Variants in SIK3 observed in about 807,000 individuals in gnomAD.
The protein encoded by SIK3 is SIK family kinase 3, also known as serine/threonine-protein kinase SIK3.
A neutral mutation model predicts 144.2 loss-of-function variants in SIK3; 28 were observed. The observed-to-expected ratio is 0.19, with a 90% CI of 0.14 to 0.27. The LOEUF (loss-of-function observed/expected upper bound fraction) is 0.27. SIK3 is among the 10% of genes least tolerant of loss of function. The pLI, the probability that SIK3 is intolerant of heterozygous loss-of-function variation, is 1.00. For synonymous variants in SIK3, 686 were observed against 676.3 expected (o/e 1.01, Z -0.22); for missense variants, 1,319 against 1,776.0 (o/e 0.74, Z 4.62).
At chr11:116,993,479 C>CATA (rs1489491801) in intron 1 of SIK3, among the ~76,000 whole-genome samples, 1 of 152,168 alleles carries the variant, frequency 6.6e-6, no homozygotes, top group Non-Finnish European at 1.5e-5. Context: ...GGATGAAACC[C>CATA]TGTTATAACT....
chr11:117,073,021 T>C (rs1954348365), intron 1 of SIK3, among the ~76,000 whole-genome samples: 1 of 152,162 alleles, frequency 6.6e-6, no homozygotes, highest in South Asian at 2.1e-4. Flanking sequence ...CTCAGTATAC[T>C]TGGATCCTCC....
At chr11:116,891,759 G>C (rs942198764) in intron 6 of SIK3, among the ~76,000 whole-genome samples, 1 of 152,162 alleles carries the variant, frequency 6.6e-6, no homozygotes, top group African/African-American at 2.4e-5. Flanking sequence ...TAGTCATGTA[G>C]CAAAGTTGAC....
chr11:117,012,369 C>T (rs1357634325), intron 1 of SIK3, among the ~76,000 whole-genome samples: 1 of 151,974 alleles, frequency 6.6e-6, no homozygotes, highest in African/African-American at 2.4e-5. Context: ...AGCCAATGGC[C>T]CCTGCTTGGC....
chr11:116,943,514 C>G (rs193234488), intron 3 of SIK3, among the ~76,000 whole-genome samples: 82 of 152,314 alleles, frequency 5.4e-4, no homozygotes, highest in African/African-American at 1.9e-3. Context: ...AACAATACTA[C>G]GCCATATGTT....
intron 1 of SIK3, among the ~76,000 whole-genome samples, chr11:116,981,587 A>G (rs1237468805): frequency 1.3e-5 from 2 of 152,246 alleles, no homozygotes; most frequent in African/African-American, 4.8e-5. Context: ...GTCAGGAAAT[A>G]CTGTTTCCAT....
chr11:116,991,362 A>T (rs1004807396), intron 1 of SIK3, among the ~76,000 whole-genome samples: 3 of 152,114 alleles, frequency 2.0e-5, no homozygotes, highest in African/African-American at 7.2e-5. Context: ...CATGAGAATC[A>T]CTTGAACCCG....
At chr11:116,974,799 G>A (rs1949889539) in intron 1 of SIK3, among the ~76,000 whole-genome samples, 1 of 152,140 alleles carries the variant, frequency 6.6e-6, no homozygotes, top group Non-Finnish European at 1.5e-5. Context: ...CTTACAGTGT[G>A]GTGCTGGGAA....
At chr11:117,015,491 AACCTCC>A (rs1951482134) in intron 1 of SIK3, among the ~76,000 whole-genome samples, 1 of 152,076 alleles carries the variant, frequency 6.6e-6, no homozygotes, top group Non-Finnish European at 1.5e-5. Context: ...GGCTCACTGC[AACCTCC>A]ACCTCCTGGG....
chr11:116,874,037 G>T lies in SIK3; in HGVS notation c.1447C>A (p.Leu483Met), dbSNP rs1413427164. 11 of 1,613,904 alleles carry T rather than the reference G, an allele frequency of 6.8e-6. No individual in the cohort carries two copies. The highest frequency in any genetic ancestry group is 9.3e-6 in the Non-Finnish European group (11 of 1,179,934). ...ADPRTEVMED[L>M]QKLLPGFPGV... ...GGAAAGCCAGGTAGGAGCTTCTGCA[G>T]ATCTTCCATAACTTCCGTGCTGATA... is the stretch of plus-strand genomic sequence containing the variant. Residue 483 changes from leucine to methionine, a missense_variant, in exon 12 of 25, where the codon CTG becomes ATG. Leu to Met is a conservative substitution (Grantham distance 15). Transcript: ENST00000445177.
At chr11:117,023,606 A>AACAAC (rs1211276500) in intron 1 of SIK3, among the ~76,000 whole-genome samples, 2 of 28,406 alleles carry the variant, frequency 7.0e-5, no homozygotes, top group African/African-American at 3.1e-4. Context: ...ACAAACAAAC[A>AACAAC]AACAAAAAAA....
intron 1 of SIK3, among the ~76,000 whole-genome samples, chr11:116,981,572 C>G (rs1233566593): frequency 2.0e-5 from 3 of 152,232 alleles, no homozygotes; most frequent in Non-Finnish European, 2.9e-5. Flanking sequence ...TCTAGAAGAG[C>G]AGGAGTCAGG....
rs1565427629 is a variant in SIK3 at position 116,899,623 on chromosome 11, CCTT to C, written c.617-2309_617-2307del. 2.0e-5 allele frequency among the ~76,000 whole-genome samples: 3 copies of C among 152,114 alleles called. No individual in the cohort carries two copies. In the South Asian group the frequency reaches 6.2e-4, roughly 32 times the overall value. On this transcript the variant is annotated intron_variant, in intron 4 of 24. Coordinates refer to ENST00000445177, the MANE Select transcript of SIK3 (RefSeq NM_001366686.3). ...CTCTCCTTGTGCTTCAATTTTCCTC[CCTT>C]CTTCTCTCCCTCTCCTACTGCTACA...
At chr11:116,946,930 A>G (rs528885178) in intron 3 of SIK3, among the ~76,000 whole-genome samples, 150 of 151,782 alleles carry the variant, frequency 9.9e-4, no homozygotes, top group Middle Eastern at 3.4e-3. Context: ...CCTGGCTAAC[A>G]TGGTGAAAAC....
In SIK3 at chr11:116,873,653, G is replaced by A. The variant is rs1191918902; in HGVS notation, c.1582-17C>T. On this transcript the variant is annotated splice_polypyrimidine_tract_variant and intron_variant, in intron 12 of 24. Transcript: ENST00000445177. ...AGACTGCTCCTGCCAGGAACAGAGT[G>A]GGGAGGACGGACCATGAGATGAGGG... 1.3e-6 allele frequency: 2 copies of A among 1,532,990 alleles called. No homozygotes were observed. The highest frequency in any genetic ancestry group is 1.7e-6 in the Non-Finnish European group (2 of 1,144,778). The allele number at this position is 1,532,990 out of a possible 1,614,324, so 95.0% of individuals were successfully genotyped here.
rs375264856 is a variant in SIK3 at position 116,861,325 on chromosome 11, G to T, written c.2374C>A (p.Gln792Lys). The change falls in exon 19 of 25, where the codon CAG becomes AAG. Residue 792 changes from glutamine (Q) to lysine (K), a missense_variant. Physicochemically the swap from Gln to Lys is moderately conservative, Grantham distance 53. This residue lies in a region of SIK3 where 646 missense variants were observed against 763.7 expected (regional missense o/e 0.85). Transcript: ENST00000445177. The part of the protein sequence containing the change: ...PNHPNNHLFR[Q>K]PSNSPPPMSS... ...ATGGGGGGAGGACTATTACTGGGCT[G>T]CCTGAAGAGATGGTTGTTGGGGTGG... is the stretch of plus-strand genomic sequence containing the variant. 2.2e-5 allele frequency: 35 copies of T among 1,597,392 alleles called. No homozygotes were observed. The highest frequency in any genetic ancestry group is 1.6e-4 in the East Asian group (7 of 44,412).
At chr11:116,901,477 C>T (rs1945738316) in intron 4 of SIK3, among the ~76,000 whole-genome samples, 1 of 152,128 alleles carries the variant, frequency 6.6e-6, no homozygotes. Flanking sequence ...GTCAGGACCA[C>T]AAATAGAATC....
intron 1 of SIK3, among the ~76,000 whole-genome samples, chr11:116,986,203 T>C (rs2135536711): frequency 6.6e-6 from 1 of 152,308 alleles, no homozygotes; most frequent in Admixed American, 6.5e-5. Flanking sequence ...CCAATGCCAT[T>C]AACAGTGCAG....
rs1339536160 is a variant in SIK3 at position 116,845,536 on chromosome 11, T to C, written c.*107A>G. 2.0e-5 allele frequency: 3 copies of C among 152,170 alleles called. No individual in the cohort carries two copies. Among genetic ancestry groups the C allele is most frequent in the African/African-American group, 7.2e-5 (3 of 41,436 alleles). 9.4% of individuals were successfully genotyped at this position (152,170 alleles called of 1,614,324 possible). A position where few individuals can be genotyped will look rare whatever the true frequency, so the allele number is the denominator to read the frequency against. On this transcript the variant is annotated 3_prime_UTR_variant, in exon 25 of 25. Coordinates refer to ENST00000445177, the MANE Select transcript of SIK3 (RefSeq NM_001366686.3). ...TGTGAGGAAAGCAGCTGTGATATTT[T>C]GGGTGGAGAGAAACACAAGGGCAAT...
intron 1 of SIK3, among the ~76,000 whole-genome samples, chr11:116,959,333 A>C (rs937027900): frequency 6.6e-6 from 1 of 152,126 alleles, no homozygotes; most frequent in Non-Finnish European, 1.5e-5. Flanking sequence ...AAAAAAAAGA[A>C]CTTCCAAACA....
Sources: allele counts gnomAD v4.1 joint callset (sites outside exome capture counted in the v4.1 genomes callset), GRCh38; gene constraint gnomAD v4.1.1; regional missense constraint gnomAD v4.1.1; transcripts MANE v1.5; gene names NCBI Gene and HGNC (gene_info 2026-07-23, HGNC 2026-07-21).